CTNNA3: variants seen among roughly 807,000 people sequenced by gnomAD.
CTNNA3 encodes catenin alpha 3, also known as catenin alpha-3.
Under a neutral mutation model 95.7 loss-of-function variants are expected in CTNNA3, and 76 were observed. The observed-to-expected ratio is 0.79, with a 90% CI of 0.66 to 0.96. The LOEUF (loss-of-function observed/expected upper bound fraction) is 0.96, where lower values mean the gene tolerates loss of function less well. Ranked by LOEUF, CTNNA3 falls within the 40% of genes least tolerant of loss-of-function variation. The probability of loss-of-function intolerance (pLI) is 0.00; values close to 1 mark genes in which losing one functional copy is unlikely to be tolerated. For missense variants in CTNNA3, 1,191 were observed against 1,089.8 expected, an observed-to-expected ratio of 1.09 and a Z score of -1.31; for synonymous variants, 431 against 374.4, an observed-to-expected ratio of 1.15 and a Z score of -1.74.
intron 13 of CTNNA3, among the ~76,000 whole-genome samples, chr10:66,254,369 C>A (rs1189860229): frequency 6.6e-6 from 1 of 152,024 alleles, no homozygotes; most frequent in African/African-American, 2.4e-5. Flanking sequence ...ATTGTGCAAC[C>A]CTTGCTGACA....
intron 7 of CTNNA3, among the ~76,000 whole-genome samples, chr10:66,928,633 T>C (rs1847207530): frequency 1.3e-5 from 2 of 152,150 alleles, no homozygotes; most frequent in African/African-American, 4.8e-5. Context: ...CATTTTCCTC[T>C]CATACATAAT....
intron 13 of CTNNA3, among the ~76,000 whole-genome samples, chr10:66,129,091 A>G (rs191735241): frequency 6.6e-6 from 1 of 152,184 alleles, no homozygotes; most frequent in East Asian, 1.9e-4. Flanking sequence ...ATAGAGAAAC[A>G]CCATTTCTAC....
chr10:67,595,020 T>G (rs1453569799), intron 3 of CTNNA3, among the ~76,000 whole-genome samples: 1 of 152,196 alleles, frequency 6.6e-6, no homozygotes, highest in African/African-American at 2.4e-5. Flanking sequence ...CTTAGAATAA[T>G]AGTCTCCAGC....
intron 7 of CTNNA3, among the ~76,000 whole-genome samples, chr10:67,005,682 C>CATTTTTTTTTTTTTTTT (rs1851926884): frequency 3.2e-5 from 2 of 61,976 alleles, no homozygotes; most frequent in Non-Finnish European, 5.9e-5. Context: ...TTTACTCCAT[C>CATTTTTTTTTTTTTTTT]TTTTTTTTTT....
chr10:67,695,648 T>C (rs1365814426), intron 1 of CTNNA3, among the ~76,000 whole-genome samples: 1 of 152,176 alleles, frequency 6.6e-6, no homozygotes, highest in Non-Finnish European at 1.5e-5. Flanking sequence ...TGCTTCCTTT[T>C]CCCCACTCCC....
chr10:67,394,321 G>A (rs78718428), intron 5 of CTNNA3, among the ~76,000 whole-genome samples: 3,759 of 151,226 alleles, frequency 0.025, 166 homozygotes, highest in African/African-American at 0.085. Flanking sequence ...AAAGAAGCCC[G>A]TTAGTTAAAT....
intron 7 of CTNNA3, among the ~76,000 whole-genome samples, chr10:66,894,311 TC>T (rs1168857848): frequency 2.0e-5 from 3 of 152,096 alleles, no homozygotes; most frequent in African/African-American, 7.2e-5. Flanking sequence ...CCATATTCTA[TC>T]CACTTTATCA....
At chr10:67,262,575 G>C (rs948571585) in intron 5 of CTNNA3, among the ~76,000 whole-genome samples, 1 of 152,158 alleles carries the variant, frequency 6.6e-6, no homozygotes, top group African/African-American at 2.4e-5. Context: ...GTGGATGTCA[G>C]AGAAGTCTGT....
chr10:66,307,402 A>G (rs1227718635), intron 12 of CTNNA3, among the ~76,000 whole-genome samples: 1 of 152,234 alleles, frequency 6.6e-6, no homozygotes, highest in African/African-American at 2.4e-5. Flanking sequence ...AACTTAAAAA[A>G]TTAGACTTGT....
chr10:66,941,964 G>A (rs924914313), intron 7 of CTNNA3, among the ~76,000 whole-genome samples: 1 of 152,126 alleles, frequency 6.6e-6, no homozygotes, highest in African/African-American at 2.4e-5. Context: ...CATGGTGTAG[G>A]AGGGAGATCG....
At chr10:67,167,935 C>A (rs1589816113) in intron 7 of CTNNA3, among the ~76,000 whole-genome samples, 1 of 152,146 alleles carries the variant, frequency 6.6e-6, no homozygotes, top group Admixed American at 6.5e-5. Flanking sequence ...GAGTTCCAGA[C>A]CACCCTGGCC....
intron 7 of CTNNA3, among the ~76,000 whole-genome samples, chr10:67,037,168 A>C (rs1165053172): frequency 6.6e-6 from 1 of 152,198 alleles, no homozygotes; most frequent in Non-Finnish European, 1.5e-5. Context: ...AGATGTTCAC[A>C]CATCTCAACT....
chr10:66,491,820 T>C (rs1316919029), intron 11 of CTNNA3, among the ~76,000 whole-genome samples: 6 of 152,180 alleles, frequency 3.9e-5, no homozygotes, highest in Admixed American at 3.9e-4. Context: ...TACAATAAGA[T>C]GTGAACACAC....
chr10:67,320,499 A>T (rs1233049375), intron 5 of CTNNA3, among the ~76,000 whole-genome samples: 1 of 152,218 alleles, frequency 6.6e-6, no homozygotes. Flanking sequence ...TTCTGGTAGC[A>T]AGAAATATTG....
At chr10:67,204,724 T>G (rs1863814432) in intron 6 of CTNNA3, among the ~76,000 whole-genome samples, 1 of 152,128 alleles carries the variant, frequency 6.6e-6, no homozygotes, top group Non-Finnish European at 1.5e-5. Flanking sequence ...ACCACAGCAT[T>G]GCAATAAAGA....
At chr10:67,278,326 T>A (rs888723935) in intron 5 of CTNNA3, among the ~76,000 whole-genome samples, 1 of 152,156 alleles carries the variant, frequency 6.6e-6, no homozygotes, top group African/African-American at 2.4e-5. Flanking sequence ...AGAGAACATG[T>A]GCCCAAGGTG....
At chr10:67,644,900 A>C (rs563195016) in intron 2 of CTNNA3, among the ~76,000 whole-genome samples, 3 of 152,276 alleles carry the variant, frequency 2.0e-5, no homozygotes, top group African/African-American at 7.2e-5. Flanking sequence ...AATCTTAAGG[A>C]AGACAAAATT....
intron 7 of CTNNA3, among the ~76,000 whole-genome samples, chr10:66,825,089 C>A (rs1842451978): frequency 6.6e-6 from 1 of 151,174 alleles, no homozygotes; most frequent in Non-Finnish European, 1.5e-5. Flanking sequence ...CACACTCACA[C>A]ACAGGCCAGA....
chr10:66,734,267 T>C (rs1412892829), intron 9 of CTNNA3, among the ~76,000 whole-genome samples: 1 of 152,050 alleles, frequency 6.6e-6, no homozygotes, highest in African/African-American at 2.4e-5. Context: ...AAACATATAA[T>C]CTAAACAACA....
Sources: gnomAD v4.1 joint callset for allele counts (sites outside exome capture counted in the v4.1 genomes callset) on GRCh38, gnomAD v4.1.1 for gene constraint, MANE v1.5 for transcripts, NCBI Gene and HGNC (gene_info 2026-07-23, HGNC 2026-07-21) for gene names.